Variants in HEATR5A observed in about 807,000 individuals in gnomAD.
HEATR5A encodes HEAT repeat-containing protein 5A.
HEATR5A carries 178 observed loss-of-function variants against 218.8 expected under a neutral mutation model. The ratio of observed to expected loss-of-function variants is 0.81; its 90% CI spans 0.72 to 0.92. The LOEUF is 0.92. Among genes scored for constraint, HEATR5A ranks in the 40% least tolerant of loss-of-function variants. HEATR5A has a pLI of 0.00. For synonymous variants in HEATR5A, 864 were observed against 871.6 expected (o/e 0.99, Z 0.15); for missense variants, 2,420 against 2,418.9 (o/e 1.00, Z -0.01).
intron 12 of HEATR5A, 115 bp downstream of exon 12, chr14:31,374,701 C>A: frequency 1.1e-6 from 1 of 910,420 alleles, no homozygotes; most frequent in Non-Finnish European, 1.6e-6. Context: ...AAAAAAAAAT[C>A]ATTAGTGGCA....
At chr14:31,365,910 C>T (rs1370939404) in intron 13 of HEATR5A, among the ~76,000 whole-genome samples, 1 of 152,060 alleles carries the variant, frequency 6.6e-6, no homozygotes, top group Non-Finnish European at 1.5e-5. Flanking sequence ...AGTAATCCAC[C>T]CATCTCGGCC....
In HEATR5A at chr14:31,312,880, AAAGT is replaced by A. The variant is rs1487583689; in HGVS notation, c.4441+84_4441+87del. Reference sequence around the variant, plus strand: ...ACCATGGCACTCCAGCCTGGGAAACAAAGTAAGACCCTGTCAAAAACAAAAAAAA... The same window carrying A: ...ACCATGGCACTCCAGCCTGGGAAACAAAGACCCTGTCAAAAACAAAAAAAA... On this transcript the variant is annotated intron_variant, in intron 28 of 35. Coordinates refer to ENST00000543095, the MANE Select transcript of HEATR5A (RefSeq NM_015473.4). 3.6e-6 allele frequency: 4 copies of A among 1,120,380 alleles called. No homozygotes were observed. In the African/African-American group the frequency reaches 6.3e-5, roughly 18 times the overall value. The allele number at this position is 1,120,380 out of a possible 1,614,324, so 69.4% of individuals were successfully genotyped here.
At chr14:31,301,134 T>TAAAC (rs1319620466) in intron 33 of HEATR5A, among the ~76,000 whole-genome samples, 1 of 152,184 alleles carries the variant, frequency 6.6e-6, no homozygotes, top group African/African-American at 2.4e-5. Flanking sequence ...GTGACATTTA[T>TAAAC]AAACAAAACT....
Position 31,293,013 on chromosome 14 carries a change from T to C in HEATR5A, c.*292A>G. On this transcript the variant is annotated 3_prime_UTR_variant, in exon 36 of 36. Transcript: ENST00000543095. ...ACTGTTAGAAGAAATTCATTTCATT[T>C]TTAAAGCAGTGGATTGTTTAGTAAG... is the stretch of plus-strand genomic sequence containing the variant. The C allele has an allele frequency of 3.4e-6, 1 of 290,746 alleles. No homozygotes were observed. The highest frequency in any genetic ancestry group is 6.4e-6 in the Non-Finnish European group (1 of 157,116). The allele number at this position is 290,746 out of a possible 1,614,324, so 18.0% of individuals were successfully genotyped here. A position where few individuals can be genotyped will look rare whatever the true frequency, so the allele number is the denominator to read the frequency against.
chr14:31,329,176 G>C (rs1900376369), intron 22 of HEATR5A, among the ~76,000 whole-genome samples: 1 of 152,098 alleles, frequency 6.6e-6, no homozygotes, highest in Non-Finnish European at 1.5e-5. Context: ...AATGAGACTT[G>C]GGTGGTGACA....
chr14:31,407,584 TTATA>T (rs1039144242), intron 1 of HEATR5A, among the ~76,000 whole-genome samples: 16 of 1,328 alleles, frequency 0.012, no homozygotes, highest in African/African-American at 0.015. Flanking sequence ...CTTATTTTAT[TTATA>T]TATATATATA....
chr14:31,360,069 T>C (rs141114333), intron 14 of HEATR5A, among the ~76,000 whole-genome samples: 1 of 149,712 alleles, frequency 6.7e-6, no homozygotes, highest in African/African-American at 2.4e-5. Flanking sequence ...AAAAAGCCAC[T>C]GAACATCAGG....
At chr14:31,382,418 T>C (rs1160611300) in intron 10 of HEATR5A, among the ~76,000 whole-genome samples, 1 of 152,118 alleles carries the variant, frequency 6.6e-6, no homozygotes, top group Non-Finnish European at 1.5e-5. Context: ...GGAGTGGCAA[T>C]GAGAAAGAAA....
chr14:31,392,928 T>C (rs1315321934), intron 6 of HEATR5A, among the ~76,000 whole-genome samples: 3 of 152,320 alleles, frequency 2.0e-5, no homozygotes, highest in Middle Eastern at 3.4e-3. Context: ...GCGGAGAAAG[T>C]AGTAAGCTGT....
In HEATR5A at chr14:31,293,225, G is replaced by A. The variant is rs1899073130; in HGVS notation, c.*80C>T. The A allele has an allele frequency of 5.3e-6, 6 of 1,122,598 alleles. No homozygotes were observed. Among genetic ancestry groups the A allele is most frequent in the South Asian group, 4.7e-5 (3 of 63,560 alleles). 69.5% of individuals were successfully genotyped at this position (1,122,598 alleles called of 1,614,324 possible). A position where few individuals can be genotyped will look rare whatever the true frequency, so the allele number is the denominator to read the frequency against. On this transcript the variant is annotated 3_prime_UTR_variant, in exon 36 of 36. Coordinates refer to ENST00000543095, the MANE Select transcript of HEATR5A (RefSeq NM_015473.4). ...CAACTAGACCTCTAAGGGCACTTGTGTCTACAATGTCCCTTTTGTCACCAA... is the reference window on the plus strand; with the variant it reads ...CAACTAGACCTCTAAGGGCACTTGTATCTACAATGTCCCTTTTGTCACCAA...
At chr14:31,330,517 G>A (rs895418095) in intron 22 of HEATR5A, among the ~76,000 whole-genome samples, 9 of 152,014 alleles carry the variant, frequency 5.9e-5, no homozygotes, top group African/African-American at 4.8e-5. Flanking sequence ...GGCCAGCGCC[G>A]GTAGCTCACA....
intron 34 of HEATR5A, among the ~76,000 whole-genome samples, chr14:31,294,614 T>C (rs566452346): frequency 2.0e-5 from 3 of 152,128 alleles, no homozygotes; most frequent in South Asian, 4.2e-4. Context: ...TTTCACCTCG[T>C]TGGTCAGGCT....
At chr14:31,406,838 A>G (rs1027403478) in intron 1 of HEATR5A, among the ~76,000 whole-genome samples, 1 of 152,066 alleles carries the variant, frequency 6.6e-6, no homozygotes, top group Admixed American at 6.6e-5. Context: ...ATATCCCTGT[A>G]TTCCCCGTTA....
intron 1 of HEATR5A, among the ~76,000 whole-genome samples, chr14:31,411,832 A>T (rs779755431): frequency 4.8e-4 from 73 of 151,984 alleles, no homozygotes; most frequent in Middle Eastern, 3.4e-3. Flanking sequence ...AAAATTTAAA[A>T]TTTTTTTTGT....
intron 1 of HEATR5A, 90 bp from the exon 2 acceptor site, chr14:31,403,139 T>C (rs2030938447): frequency 3.2e-6 from 2 of 616,300 alleles, no homozygotes; most frequent in South Asian, 2.6e-5. Context: ...CATAATTAAA[T>C]GTATACATTT....
intron 27 of HEATR5A, 111 bp downstream of exon 27, chr14:31,315,659 C>A: frequency 4.1e-6 from 3 of 739,518 alleles, no homozygotes; most frequent in Non-Finnish European, 4.2e-6. Flanking sequence ...TTTGTTTAAC[C>A]TTAAAAATGA....
chr14:31,362,128 C>A (rs1901639488), intron 14 of HEATR5A, among the ~76,000 whole-genome samples: 1 of 151,968 alleles, frequency 6.6e-6, no homozygotes, highest in South Asian at 2.1e-4. Flanking sequence ...CCATGCCCAG[C>A]TAATTATTTT....
chr14:31,411,988 TGGG>T (rs2031290221), intron 1 of HEATR5A, among the ~76,000 whole-genome samples: 3 of 152,024 alleles, frequency 2.0e-5, no homozygotes, highest in Admixed American at 2.0e-4. Context: ...CCCAAATAGC[TGGG>T]ATTATAGGCA....
chr14:31,346,743 A>G (rs1021920093), intron 19 of HEATR5A, among the ~76,000 whole-genome samples: 3 of 152,216 alleles, frequency 2.0e-5, no homozygotes, highest in Admixed American at 6.5e-5. Context: ...ATTTAGCCTT[A>G]TATCTAGAGA....
Sources: gnomAD v4.1 joint callset for allele counts (sites outside exome capture counted in the v4.1 genomes callset) on GRCh38, gnomAD v4.1.1 for gene constraint, MANE v1.5 for transcripts, NCBI Gene and HGNC (gene_info 2026-07-23, HGNC 2026-07-21) for gene names.